The following IPCEF1 variants were observed in gnomAD, a reference collection of about 807,000 sequenced individuals.
IPCEF1 encodes interaction protein for cytohesin exchange factors 1, also known as interactor protein for cytohesin exchange factors 1.
A neutral mutation model predicts 50.9 loss-of-function variants in IPCEF1; 31 were observed. The ratio of observed to expected loss-of-function variants is 0.61; its 90% CI spans 0.46 to 0.82. The LOEUF (loss-of-function observed/expected upper bound fraction) is 0.82. IPCEF1 is among the 40% of genes least tolerant of loss of function. The pLI is 0.00. For synonymous variants in IPCEF1, 181 were observed against 192.0 expected (o/e 0.94, Z 0.47); for missense variants, 458 against 514.0 (o/e 0.89, Z 1.05).
At chr6:154,244,301 G>GGTGTGTGTGTGTGTGTGTGTGGGTGT (rs1780850347) in intron 5 of IPCEF1, among the ~76,000 whole-genome samples, 1 of 147,960 alleles carries the variant, frequency 6.8e-6, no homozygotes, top group East Asian at 2.0e-4. Context: ...TGTGTGGGTG[G>GGTGTGTGTGTGTGTGTGTGTGGGTGT]GTGTGTGTGT....
chr6:154,180,414 A>ATATTTTTTT (rs1241250621), intron 10 of IPCEF1, among the ~76,000 whole-genome samples: 30 of 65,248 alleles, frequency 4.6e-4, no homozygotes, highest in African/African-American at 9.6e-4. Context: ...ATATATATAT[A>ATATTTTTTT]TTTTTTTTTT....
At chr6:154,170,406 C>G (rs7754220) in intron 10 of IPCEF1, among the ~76,000 whole-genome samples, 3 of 152,098 alleles carry the variant, frequency 2.0e-5, no homozygotes, top group Admixed American at 6.5e-5. Flanking sequence ...ACTTCACATG[C>G]CTTAGAGTTT....
chr6:154,223,986 C>G (rs1042900248), intron 5 of IPCEF1, among the ~76,000 whole-genome samples: 5 of 152,078 alleles, frequency 3.3e-5, no homozygotes, highest in African/African-American at 4.8e-5. Flanking sequence ...AATCACTGTC[C>G]CACCTCTCTA....
At chr6:154,223,558 A>AGC (rs1304323700) in intron 5 of IPCEF1, among the ~76,000 whole-genome samples, 4 of 91,316 alleles carry the variant, frequency 4.4e-5, no homozygotes, top group Non-Finnish European at 8.5e-5. Flanking sequence ...TAGCTAACCC[A>AGC]ACAGTCATGT....
rs968393227 is a variant in IPCEF1, at chr6:154,333,113, G to A, written c.-62+23559C>T. ...CCTGATGGTCTTCAGGGTGTTACTG[G>A]AACTGAAGTCTTGAGTTGGATCTTC... On this transcript the variant is annotated intron_variant, in intron 1 of 11. Transcript: ENST00000367220. 2.0e-5 allele frequency among the ~76,000 whole-genome samples: 3 copies of A among 152,272 alleles called. No individual in the cohort carries two copies. In the East Asian group the frequency reaches 5.8e-4, roughly 29 times the overall value.
At chr6:154,283,291 C>CAAAAAA (rs35691566) in intron 2 of IPCEF1, among the ~76,000 whole-genome samples, 15 of 66,374 alleles carry the variant, frequency 2.3e-4, no homozygotes, top group African/African-American at 8.9e-4. Flanking sequence ...AACTCCATCT[C>CAAAAAA]AAAAAAAAAA....
intron 5 of IPCEF1, among the ~76,000 whole-genome samples, chr6:154,239,383 A>C (rs6931641): frequency 0.14 from 20,601 of 152,268 alleles, 1,582 homozygotes; most frequent in Non-Finnish European, 0.17. Context: ...GACAATAAAT[A>C]AACTAAATGT....
At position 154,155,584 on chromosome 6, in the gene IPCEF1, G is replaced by A. The variant is rs951957692; in HGVS notation, c.*4244C>T. ...GGCAGAGGCAGGCAGATCACCTGAG[G>A]TCAGGAGTTTGAAACCAGCCTGGGC... On this transcript the variant is annotated 3_prime_UTR_variant, in exon 12 of 12. Transcript: ENST00000367220. 1 of 152,126 alleles carries A rather than the reference G, an allele frequency of 6.6e-6. No homozygotes were observed. Among genetic ancestry groups the A allele is most frequent in the Non-Finnish European group, 1.5e-5 (1 of 68,070 alleles). 9.4% of individuals were successfully genotyped at this position (152,126 alleles called of 1,614,324 possible).
intron 10 of IPCEF1, among the ~76,000 whole-genome samples, chr6:154,181,687 G>T (rs17085144): frequency 6.6e-6 from 1 of 152,108 alleles, no homozygotes; most frequent in Non-Finnish European, 1.5e-5. Flanking sequence ...TGCTGCTGAG[G>T]TTCCCAGGTT....
intron 3 of IPCEF1, among the ~76,000 whole-genome samples, chr6:154,258,105 C>T (rs1366390515): frequency 1.3e-5 from 2 of 152,202 alleles, no homozygotes; most frequent in East Asian, 1.9e-4. Context: ...GCTTACTCAT[C>T]CTCTGAGATC....
At chr6:154,283,755 A>G (rs2128665556) in intron 2 of IPCEF1, among the ~76,000 whole-genome samples, 1 of 152,340 alleles carries the variant, frequency 6.6e-6, no homozygotes, top group African/African-American at 2.4e-5. Context: ...GCTGAAGGAC[A>G]TGGGGGCAAT....
chr6:154,273,878 A>C (rs374697426), intron 2 of IPCEF1, among the ~76,000 whole-genome samples: 16 of 148,546 alleles, frequency 1.1e-4, no homozygotes, highest in African/African-American at 2.7e-4. Context: ...CTCAGCCTCC[A>C]GAGTAGCTGG....
chr6:154,343,936 A>G (rs1290834680), intron 1 of IPCEF1, among the ~76,000 whole-genome samples: 24 of 152,138 alleles, frequency 1.6e-4, no homozygotes, highest in African/African-American at 5.6e-4. Flanking sequence ...GACCTCACAT[A>G]TCCCCACGTG....
chr6:154,310,017 G>T (rs1343669641), intron 1 of IPCEF1, among the ~76,000 whole-genome samples: 1 of 152,118 alleles, frequency 6.6e-6, no homozygotes, highest in Non-Finnish European at 1.5e-5. Context: ...ACCCACCTCG[G>T]CCTCCCAAAC....
chr6:154,184,671 A>G (rs182220361), intron 10 of IPCEF1, among the ~76,000 whole-genome samples: 266 of 152,334 alleles, frequency 1.7e-3, no homozygotes, highest in African/African-American at 6.3e-3. Context: ...TAATAAAAGT[A>G]CAATATATTT....
At chr6:154,282,281 G>T (rs1583942420) in intron 2 of IPCEF1, among the ~76,000 whole-genome samples, 1 of 152,298 alleles carries the variant, frequency 6.6e-6, no homozygotes, top group East Asian at 1.9e-4. Context: ...ACAGAGAAAA[G>T]ACATAAACCA....
chr6:154,199,802 A>C lies in IPCEF1; in HGVS notation c.776T>G (p.Leu259Arg). 1.2e-6 allele frequency: 2 copies of C among 1,614,224 alleles called. No homozygotes were observed. Among genetic ancestry groups the C allele is most frequent in the South Asian group, 2.2e-5 (2 of 91,088 alleles). The change falls in exon 10 of 12, where the codon CTG becomes CGG. Residue 259 changes from leucine (L) to arginine (R), a missense_variant. Leu to Arg is a moderately radical substitution (Grantham distance 102, BLOSUM62 -2). Coordinates refer to ENST00000367220, the MANE Select transcript of IPCEF1 (RefSeq NM_001130700.2). ...VPSEAGIHKA[L>R]ENSFVTSESG... The stretch of plus-strand genomic sequence containing the variant: ...TTCTGATGTGACAAAACTGTTTTCC[A>C]GGGCCTTGTGGATGCCTGCCTCTGA...
chr6:154,266,268 C>T (rs1781751447), intron 2 of IPCEF1, among the ~76,000 whole-genome samples: 2 of 151,800 alleles, frequency 1.3e-5, no homozygotes, highest in Admixed American at 1.3e-4. Flanking sequence ...ACCTGTAATC[C>T]CAGCTGCTCA....
chr6:154,271,056 AG>A (rs1781890357), intron 2 of IPCEF1, among the ~76,000 whole-genome samples: 2 of 152,044 alleles, frequency 1.3e-5, no homozygotes, highest in East Asian at 1.9e-4. Flanking sequence ...AAATATTTTC[AG>A]GCATAAAAAT....
Sources: allele counts gnomAD v4.1 joint callset (sites outside exome capture counted in the v4.1 genomes callset), GRCh38; gene constraint gnomAD v4.1.1; transcripts MANE v1.5; gene names NCBI Gene and HGNC (gene_info 2026-07-23, HGNC 2026-07-21).